The following FYCO1 variants were observed in gnomAD, a reference collection of about 807,000 sequenced individuals.
FYCO1 encodes the protein FYVE and coiled-coil domain autophagy adaptor 1.
FYCO1 carries 122 observed loss-of-function variants against 165.1 expected under a neutral mutation model. The ratio of observed to expected loss-of-function variants is 0.74; its 90% CI spans 0.64 to 0.86. The LOEUF (loss-of-function observed/expected upper bound fraction) is 0.86, where lower values mean the gene tolerates loss of function less well. Among genes scored for constraint, FYCO1 ranks in the 40% least tolerant of loss-of-function variants. The pLI is 0.00. For synonymous variants in FYCO1, 648 were observed against 742.5 expected (o/e 0.87, Z 2.07); for missense variants, 1,702 against 1,810.3 (o/e 0.94, Z 1.09).
At chr3:45,972,955 G>C in intron 6 of FYCO1, 133 bp downstream of exon 6, 1 of 897,320 alleles carries the variant, frequency 1.1e-6, no homozygotes, top group East Asian at 2.6e-5. Context: ...TGTAAAAGGA[G>C]CTGGAATAAG....
intron 14 of FYCO1, chr3:45,946,369 T>C: frequency 1.1e-6 from 1 of 899,940 alleles, no homozygotes; most frequent in Non-Finnish European, 1.7e-6. Context: ...AGAAGATGAC[T>C]ATTTGCCCCC....
intron 14 of FYCO1, chr3:45,938,248 C>A (rs750626032): frequency 8.5e-6 from 11 of 1,289,188 alleles, no homozygotes; most frequent in South Asian, 2.5e-5. Context: ...CTGGCCCCGA[C>A]AGACGCCCTG....
Position 45,966,475 on chromosome 3 carries a change from C to G in FYCO1, c.2859G>C (p.Gly953=). 2 of 1,610,376 alleles carry G rather than the reference C, an allele frequency of 1.2e-6. No individual in the cohort carries two copies. Among genetic ancestry groups the G allele is most frequent in the Non-Finnish European group, 1.7e-6 (2 of 1,176,996 alleles). ...GCAAGCTCTCCTTCTCTTGCTGCAG[C>G]CCAGCTACTTGGCGCTCCAGGCCCT... ...EREGLERQVA[G]LQQEKESLQE... Residue 953 remains glycine (G), a synonymous_variant, in exon 8 of 18, where the codon GGG becomes GGC. Transcript: ENST00000296137.
At chr3:45,961,314 T>C (rs534091125) in intron 11 of FYCO1, among the ~76,000 whole-genome samples, 3 of 152,316 alleles carry the variant, frequency 2.0e-5, no homozygotes, top group African/African-American at 7.2e-5. Flanking sequence ...GCATGGTGGC[T>C]CATGCCTGTA....
At chr3:45,926,940 G>C (rs1703347211) in intron 16 of FYCO1, among the ~76,000 whole-genome samples, 1 of 148,454 alleles carries the variant, frequency 6.7e-6, no homozygotes, top group Non-Finnish European at 1.5e-5. Flanking sequence ...CTCCAGCCTG[G>C]GCAACAAGAG....
intron 8 of FYCO1, 33 bp downstream of exon 8, chr3:45,966,222 CACCAGGCCTGCCCAGGGAGAGG>C: frequency 6.3e-7 from 1 of 1,586,720 alleles, no homozygotes; most frequent in Non-Finnish European, 8.6e-7. Context: ...CCCATGGACC[CACCAGGCCTGCCCAGGGAGAGG>C]GGTAGAGCCC....
chr3:45,954,403 G>GT (rs1575355900), intron 14 of FYCO1, among the ~76,000 whole-genome samples: 2 of 152,060 alleles, frequency 1.3e-5, no homozygotes, highest in African/African-American at 4.8e-5. Flanking sequence ...TAGTCCAGTG[G>GT]TCCCTAGGGC....
chr3:45,981,933 G>A (rs927616610), intron 2 of FYCO1, among the ~76,000 whole-genome samples: 1 of 152,196 alleles, frequency 6.6e-6, no homozygotes, highest in Admixed American at 6.5e-5. Context: ...ACCACCCAGG[G>A]CTAGTAATTT....
intron 15 of FYCO1, among the ~76,000 whole-genome samples, chr3:45,935,112 C>T (rs962904536): frequency 6.6e-6 from 1 of 152,158 alleles, no homozygotes; most frequent in African/African-American, 2.4e-5. Flanking sequence ...CTCACGACCA[C>T]ATCTAAACCT....
intron 16 of FYCO1, among the ~76,000 whole-genome samples, chr3:45,926,490 C>T (rs1320512510): frequency 1.3e-5 from 2 of 152,146 alleles, no homozygotes; most frequent in Admixed American, 6.5e-5. Flanking sequence ...AATGACAGAG[C>T]TTCAAAATAC....
At chr3:45,984,186 C>T (rs1476659086) in intron 2 of FYCO1, among the ~76,000 whole-genome samples, 7 of 152,134 alleles carry the variant, frequency 4.6e-5, no homozygotes, top group Non-Finnish European at 7.4e-5. Flanking sequence ...AAACTCTGAC[C>T]CCTGGGACAG....
chr3:45,933,274 G>A (rs1703718680), intron 15 of FYCO1, among the ~76,000 whole-genome samples: 1 of 152,222 alleles, frequency 6.6e-6, no homozygotes, highest in African/African-American at 2.4e-5. Context: ...AGTGTTCTGA[G>A]ATAATCCCAA....
chr3:45,953,910 C>T (rs1311890352), intron 14 of FYCO1, among the ~76,000 whole-genome samples: 2 of 152,236 alleles, frequency 1.3e-5, no homozygotes, highest in Non-Finnish European at 2.9e-5. Flanking sequence ...GAGACAATTG[C>T]AACTAAATCC....
intron 14 of FYCO1, among the ~76,000 whole-genome samples, chr3:45,938,428 A>G (rs1704019117): frequency 6.6e-6 from 1 of 152,252 alleles, no homozygotes; most frequent in East Asian, 1.9e-4. Context: ...ATAGAATAAA[A>G]CAGAAAATAC....
intron 16 of FYCO1, among the ~76,000 whole-genome samples, chr3:45,927,585 T>G (rs952858861): frequency 1.3e-5 from 2 of 151,802 alleles, no homozygotes; most frequent in African/African-American, 4.8e-5. Flanking sequence ...GTACAAAGAG[T>G]GTACACTGAG....
At chr3:45,936,400 C>T (rs377724709) in intron 15 of FYCO1, 48 bp downstream of exon 15, 36 of 1,329,286 alleles carry the variant, frequency 2.7e-5, no homozygotes, top group Non-Finnish European at 3.8e-5. Context: ...GCCAGTGCTC[C>T]TCCCAATGCC....
intron 3 of FYCO1, among the ~76,000 whole-genome samples, chr3:45,980,473 A>G (rs1706989904): frequency 6.6e-6 from 1 of 152,252 alleles, no homozygotes; most frequent in East Asian, 1.9e-4. Context: ...CTTCAGTTTC[A>G]ATATCGTTTT....
chr3:45,975,917 C>T (rs930037557), intron 4 of FYCO1, among the ~76,000 whole-genome samples: 7 of 152,164 alleles, frequency 4.6e-5, no homozygotes, highest in African/African-American at 1.7e-4. Flanking sequence ...GGCAGAGGTG[C>T]GTGAGTGCGG....
At chr3:45,965,534 C>T (rs1401909239) in intron 8 of FYCO1, among the ~76,000 whole-genome samples, 3 of 152,174 alleles carry the variant, frequency 2.0e-5, no homozygotes, top group Admixed American at 6.5e-5. Context: ...GGCCATTCTG[C>T]GCTGTCTTCA....
Sources: allele counts gnomAD v4.1 joint callset (sites outside exome capture counted in the v4.1 genomes callset), GRCh38; gene constraint gnomAD v4.1.1; transcripts MANE v1.5; gene names NCBI Gene and HGNC (gene_info 2026-07-23, HGNC 2026-07-21).